The following KIAA1328 variants were observed in gnomAD, a reference collection of about 807,000 sequenced individuals.
The protein encoded by KIAA1328 is protein hinderin.
A neutral mutation model predicts 68.1 loss-of-function variants in KIAA1328; 52 were observed. That is an observed-to-expected ratio of 0.76 (90% CI 0.61 to 0.96). The LOEUF is 0.96. Among genes scored for constraint, KIAA1328 ranks in the 40% least tolerant of loss-of-function variants. The pLI is 0.00. For synonymous variants in KIAA1328, 232 were observed against 239.4 expected (o/e 0.97, Z 0.28); for missense variants, 641 against 677.6 (o/e 0.95, Z 0.60).
rs995317116 is a variant in KIAA1328 at position 37,066,888 on chromosome 18, A to G, written c.577-2A>G. The G allele has an allele frequency of 6.4e-7, 1 of 1,567,516 alleles. No homozygotes were observed. The highest frequency in any genetic ancestry group is 8.6e-7 in the Non-Finnish European group (1 of 1,157,804). The stretch of plus-strand genomic sequence containing the variant: ...GACAGGTGATCTTGTGGTTCTTTCT[A>G]GGTATCCAGTAGAAAAAGCACTCTC... On this transcript the variant is annotated splice_acceptor_variant, in intron 6 of 9. Coordinates refer to ENST00000280020, the MANE Select transcript of KIAA1328 (RefSeq NM_020776.3). LOFTEE classifies it high-confidence loss of function.
intron 5 of KIAA1328, among the ~76,000 whole-genome samples, chr18:36,934,748 C>T (rs1020228180): frequency 2.0e-5 from 3 of 151,732 alleles, no homozygotes; most frequent in African/African-American, 7.3e-5. Flanking sequence ...TAACTTTTAC[C>T]CTTTGAAGGA....
intron 5 of KIAA1328, chr18:36,955,739 C>G (rs2051385195): frequency 6.6e-6 from 1 of 151,406 alleles, no homozygotes; most frequent in Non-Finnish European, 1.5e-5. Flanking sequence ...AGCCATTTTT[C>G]CAAGGAATCT....
chr18:36,917,234 G>C (rs946897853), intron 5 of KIAA1328, among the ~76,000 whole-genome samples: 1 of 152,002 alleles, frequency 6.6e-6, no homozygotes, highest in Non-Finnish European at 1.5e-5. Context: ...ATATTCTGTT[G>C]TAGTCCTCTG....
intron 6 of KIAA1328, among the ~76,000 whole-genome samples, chr18:37,033,291 CAT>C (rs2054904572): frequency 6.6e-6 from 1 of 152,152 alleles, no homozygotes; most frequent in South Asian, 2.1e-4. Context: ...CAGATTTCAT[CAT>C]ATATGTTGTA....
At chr18:36,905,446 C>A (rs1334302439) in intron 5 of KIAA1328, among the ~76,000 whole-genome samples, 3 of 152,064 alleles carry the variant, frequency 2.0e-5, no homozygotes, top group African/African-American at 4.8e-5. Context: ...AATAAATTTA[C>A]TTCCTGTGCT....
intron 9 of KIAA1328, among the ~76,000 whole-genome samples, chr18:37,199,638 A>G (rs982020407): frequency 1.3e-5 from 2 of 152,096 alleles, no homozygotes; most frequent in Admixed American, 1.3e-4. Context: ...GTCAAATGAT[A>G]TTTCTGTTTC....
chr18:37,183,694 C>G (rs1250261425), intron 9 of KIAA1328, among the ~76,000 whole-genome samples: 2 of 152,192 alleles, frequency 1.3e-5, no homozygotes, highest in Non-Finnish European at 2.9e-5. Context: ...TCAATTTAAA[C>G]TGTTGAAATT....
intron 6 of KIAA1328, among the ~76,000 whole-genome samples, chr18:37,042,833 C>G (rs2151629616): frequency 6.6e-6 from 1 of 152,192 alleles, no homozygotes; most frequent in Non-Finnish European, 1.5e-5. Context: ...TTTTCTGACA[C>G]TTTATCTCTC....
intron 7 of KIAA1328, among the ~76,000 whole-genome samples, chr18:37,094,965 A>G (rs2151844075): frequency 1.3e-5 from 2 of 151,204 alleles, no homozygotes; most frequent in South Asian, 4.2e-4. Flanking sequence ...AAAAAAAAAA[A>G]CATCAAAAGA....
intron 7 of KIAA1328, among the ~76,000 whole-genome samples, chr18:37,069,589 G>C (rs1347531918): frequency 6.6e-6 from 1 of 152,078 alleles, no homozygotes; most frequent in Non-Finnish European, 1.5e-5. Context: ...TGTAGAATTG[G>C]TGTTAATTCT....
At chr18:36,905,134 C>A (rs918297940) in intron 5 of KIAA1328, among the ~76,000 whole-genome samples, 1 of 146,316 alleles carries the variant, frequency 6.8e-6, no homozygotes, top group African/African-American at 2.6e-5. Context: ...TTTATTGAGA[C>A]GGAGTCTTGC....
At chr18:36,856,069 T>G (rs1031876739) in intron 4 of KIAA1328, among the ~76,000 whole-genome samples, 2 of 152,138 alleles carry the variant, frequency 1.3e-5, no homozygotes, top group Admixed American at 6.5e-5. Flanking sequence ...TGAAGATTCC[T>G]TGTGTATGAC....
intron 7 of KIAA1328, among the ~76,000 whole-genome samples, chr18:37,148,471 T>C (rs11662124): frequency 0.13 from 20,302 of 152,268 alleles, 1,731 homozygotes; most frequent in Admixed American, 0.18. Context: ...TTCAATGATT[T>C]GTATTCCTTT....
chr18:37,224,946 A>G lies in KIAA1328; in HGVS notation c.*2719A>G, dbSNP rs2060620745. On this transcript the variant is annotated 3_prime_UTR_variant, in exon 10 of 10. Transcript: ENST00000280020. ...TTCTTGATGCAGAGAACCAAAGTGA[A>G]TCATAGAAAAGCTTTTGCTAACAGT... is the stretch of plus-strand genomic sequence containing the variant. The G allele has an allele frequency of 1.0e-6, 1 of 985,364 alleles. No individual in the cohort carries two copies. The highest frequency in any genetic ancestry group is 1.2e-6 in the Non-Finnish European group (1 of 829,950). The allele number at this position is 985,364 out of a possible 1,614,324, so 61.0% of individuals were successfully genotyped here.
intron 6 of KIAA1328, among the ~76,000 whole-genome samples, chr18:37,029,809 A>G (rs1420391894): frequency 6.6e-6 from 1 of 152,122 alleles, no homozygotes; most frequent in Non-Finnish European, 1.5e-5. Context: ...TCTTTTTAGA[A>G]TGATTGATAT....
At chr18:37,185,701 G>A (rs550592538) in intron 9 of KIAA1328, among the ~76,000 whole-genome samples, 58 of 148,572 alleles carry the variant, frequency 3.9e-4, no homozygotes, top group Middle Eastern at 6.8e-3. Flanking sequence ...ATATATATAC[G>A]TATATACCTA....
intron 9 of KIAA1328, among the ~76,000 whole-genome samples, chr18:37,207,891 C>T (rs2060245298): frequency 6.6e-6 from 1 of 152,200 alleles, no homozygotes; most frequent in Non-Finnish European, 1.5e-5. Context: ...CTCACCACAA[C>T]CTCCGCCTCC....
intron 5 of KIAA1328, among the ~76,000 whole-genome samples, chr18:36,925,349 G>T (rs555052834): frequency 3.2e-4 from 49 of 152,264 alleles, no homozygotes; most frequent in African/African-American, 1.1e-3. Flanking sequence ...GAAGGGCTGA[G>T]CTGACTGAGG....
At position 37,029,502 on chromosome 18, in the gene KIAA1328, TATCTGGGACCACAGACAAGCACCACC is replaced by T. The variant is rs1282439275; in HGVS notation, c.577-37385_577-37360del. Among the ~76,000 whole-genome samples, 3 of 152,128 alleles carry T rather than the reference TATCTGGGACCACAGACAAGCACCACC, an allele frequency of 2.0e-5. No homozygotes were observed. In the South Asian group the frequency reaches 6.2e-4, roughly 32 times the overall value. On this transcript the variant is annotated intron_variant, in intron 6 of 9. Coordinates refer to ENST00000280020, the MANE Select transcript of KIAA1328 (RefSeq NM_020776.3). Reference sequence around the variant, plus strand: ...TATCCTCCCACCTCAGCCTCCTGAGTATCTGGGACCACAGACAAGCACCACCATGAGTGGCTAATTTTTTGTAGAGA... The same window carrying T: ...TATCCTCCCACCTCAGCCTCCTGAGTATGAGTGGCTAATTTTTTGTAGAGA...
Sources: allele counts gnomAD v4.1 joint callset (sites outside exome capture counted in the v4.1 genomes callset), GRCh38; gene constraint gnomAD v4.1.1; transcripts MANE v1.5; gene names NCBI Gene and HGNC (gene_info 2026-07-23, HGNC 2026-07-21).